CUZD1: variants seen among roughly 807,000 people sequenced by gnomAD.
CUZD1 encodes the protein CUB and zona pellucida-like domain-containing protein 1.
A neutral mutation model predicts 53.1 loss-of-function variants in CUZD1; 42 were observed. The ratio of observed to expected loss-of-function variants is 0.79; its 90% CI spans 0.62 to 1.02. CUZD1 has a LOEUF of 1.02. Ranked by LOEUF, CUZD1 falls within the 50% of genes least tolerant of loss-of-function variation. The probability of loss-of-function intolerance (pLI) is 0.00; values close to 1 mark genes in which losing one functional copy is unlikely to be tolerated. For synonymous variants in CUZD1, 238 were observed against 257.2 expected, an observed-to-expected ratio of 0.93 and a Z score of 0.71; for missense variants, 670 against 715.7, an observed-to-expected ratio of 0.94 and a Z score of 0.73.
At position 122,841,333 on chromosome 10, in the gene CUZD1, T is replaced by TA. The variant is rs2133817436; in HGVS notation, c.83-6dup. ...TGACTGTGCAGCTTGCATTGCCTGT[T>TA]AGAGATCACAGATGGCACTCAGGAA... On this transcript the variant is annotated splice_polypyrimidine_tract_variant and splice_region_variant and intron_variant, in intron 1 of 8. Coordinates refer to ENST00000392790, the MANE Select transcript of CUZD1 (RefSeq NM_022034.6). 6.3e-7 allele frequency: 1 copy of TA among 1,592,094 alleles called. No individual in the cohort carries two copies. The highest frequency in any genetic ancestry group is 1.1e-5 in the South Asian group (1 of 87,272).
chr10:122,839,106 G>A lies in CUZD1; in HGVS notation c.359C>T (p.Ser120Phe), dbSNP rs1847296332. The change falls in exon 3 of 9, where the codon TCC becomes TTC. Residue 120 changes from serine (S) to phenylalanine (F), a missense_variant. Coordinates refer to ENST00000392790, the MANE Select transcript of CUZD1 (RefSeq NM_022034.6). ...AACTATTTGAAACGTCAATGTACTG[G>A]ATGATGATTCAAATACAGGAACATA... ...NDYVPVFESS[S>F]STLTFQIVTD... 1 of 1,613,934 alleles carries A rather than the reference G, an allele frequency of 6.2e-7. No individual in the cohort carries two copies. The highest frequency in any genetic ancestry group is 1.7e-5 in the Admixed American group (1 of 60,010).
Position 122,832,192 on chromosome 10 carries a change from A to G in CUZD1, c.*86T>C, listed in dbSNP as rs1566227406. The G allele has an allele frequency of 1.4e-6, 2 of 1,388,116 alleles. No homozygotes were observed. The highest frequency in any genetic ancestry group is 2.3e-5 in the East Asian group (1 of 43,534). 86.0% of individuals were successfully genotyped at this position (1,388,116 alleles called of 1,614,324 possible). ...GTGTGTCACTTTCAGGCCCTTCCTC[A>G]TTTATTCATAATATGTGTAGCCACG... On this transcript the variant is annotated 3_prime_UTR_variant, in exon 9 of 9. Coordinates refer to ENST00000392790, the MANE Select transcript of CUZD1 (RefSeq NM_022034.6).
intron 8 of CUZD1, among the ~76,000 whole-genome samples, chr10:122,832,804 T>C (rs1847180271): frequency 6.6e-6 from 1 of 152,190 alleles, no homozygotes; most frequent in Admixed American, 6.5e-5. Flanking sequence ...AAAAAATTTG[T>C]TCATTCCCTT....
At position 122,834,970 on chromosome 10, in the gene CUZD1, A is replaced by G. The variant is rs143015582; in HGVS notation, c.1118T>C (p.Val373Ala). 75 of 1,613,810 alleles carry G rather than the reference A, an allele frequency of 4.6e-5. No homozygotes were observed. The African/African-American group carries it at 9.5e-4, about 20-fold the overall frequency. The change falls in exon 7 of 9, where the codon GTG becomes GCG. Residue 373 changes from valine (V) to alanine (A), a missense_variant. Val to Ala is a moderately conservative substitution (Grantham distance 64, BLOSUM62 0). Coordinates refer to ENST00000392790, the MANE Select transcript of CUZD1 (RefSeq NM_022034.6). ...ATCTTCTGTTATGTATATTATCTCCACTGTAGAATTATGTCCCATTTCACA... is the reference window on the plus strand; with the variant it reads ...ATCTTCTGTTATGTATATTATCTCCGCTGTAGAATTATGTCCCATTTCACA... ...VKCEMGHNST[V>A]EIIYITEDDV...
intron 1 of CUZD1, 119 bp downstream of exon 1, chr10:122,845,643 A>C: frequency 1.5e-6 from 1 of 673,612 alleles, no homozygotes; most frequent in East Asian, 2.8e-5. Flanking sequence ...AGAGCATTAG[A>C]GTACATTTTT....
intron 5 of CUZD1, among the ~76,000 whole-genome samples, 162 bp downstream of exon 5, chr10:122,836,669 T>C (rs143439757): frequency 7.2e-5 from 11 of 152,300 alleles, no homozygotes; most frequent in African/African-American, 2.6e-4. Context: ...CATTAAGCAA[T>C]GCACAGAAAT....
intron 7 of CUZD1, 152 bp downstream of exon 7, chr10:122,834,554 A>G (rs1847215888): frequency 2.0e-6 from 1 of 491,162 alleles, no homozygotes; most frequent in Non-Finnish European, 3.4e-6. Context: ...AGTACATAGT[A>G]ACTATTTTAT....
At chr10:122,841,057 G>T in intron 2 of CUZD1, 121 bp downstream of exon 2, 1 of 899,548 alleles carries the variant, frequency 1.1e-6, no homozygotes, top group Non-Finnish European at 1.7e-6. Flanking sequence ...CATCACGATG[G>T]TTGTCAGTGT....
chr10:122,844,693 AT>A (rs1418349743), intron 1 of CUZD1, among the ~76,000 whole-genome samples: 2 of 151,912 alleles, frequency 1.3e-5, no homozygotes, highest in Admixed American at 6.6e-5. Context: ...CATAGTGAAA[AT>A]TTTTTTCTAT....
At position 122,837,527 on chromosome 10, in the gene CUZD1, T is replaced by C. The variant is rs778025336; in HGVS notation, c.476A>G (p.Asp159Gly). The C allele has an allele frequency of 2.5e-6, 4 of 1,593,080 alleles. No individual in the cohort carries two copies. The African/African-American group carries it at 4.0e-5, about 16-fold the overall frequency. The change falls in exon 4 of 9, where the codon GAT becomes GGT. Residue 159 changes from aspartate to glycine, a missense_variant. Coordinates refer to ENST00000392790, the MANE Select transcript of CUZD1 (RefSeq NM_022034.6). ...ISIPNCGGYL[D>G]TLEGSFTSPN... ...GCTGGTGAAGGATCCTTCCAAGGTA[T>C]CCAGGTAACCGCCACAGTTTGGAAT...
chr10:122,836,177 C>G lies in CUZD1; in HGVS notation c.990+1G>C, dbSNP rs1372596487. 3 of 1,598,220 alleles carry G rather than the reference C, an allele frequency of 1.9e-6. No homozygotes were observed. The South Asian group carries it at 3.4e-5, about 18-fold the overall frequency. On this transcript the variant is annotated splice_donor_variant, in intron 6 of 8. Coordinates refer to ENST00000392790, the MANE Select transcript of CUZD1 (RefSeq NM_022034.6). LOFTEE classifies it high-confidence loss of function. Reference sequence around the variant, plus strand: ...ATCCAGCTATCAGTATTTCACTTTACCTTTCTGATTGTACCACATCCATTA... The same window carrying G: ...ATCCAGCTATCAGTATTTCACTTTAGCTTTCTGATTGTACCACATCCATTA...
In CUZD1 at chr10:122,839,007, G is replaced by A. The variant is rs572884821; in HGVS notation, c.448+10C>T. The A allele has an allele frequency of 7.1e-5, 113 of 1,598,192 alleles. 1 individual carries two copies. In the South Asian group the frequency reaches 1.2e-3, roughly 17 times the overall value. Reference sequence around the variant, plus strand: ...AGATGTGGGTGAAGGTTGTGTAAATGAGGACTTACAGATGTTAGGAGAGAA... The same window carrying A: ...AGATGTGGGTGAAGGTTGTGTAAATAAGGACTTACAGATGTTAGGAGAGAA... On this transcript the variant is annotated intron_variant, in intron 3 of 8. Transcript: ENST00000392790.
rs1316041179 is a variant in CUZD1 at position 122,837,027 on chromosome 10, G to C, written c.621C>G (p.Cys207Trp). 1 of 1,613,044 alleles carries C rather than the reference G, an allele frequency of 6.2e-7. No individual in the cohort carries two copies. Among genetic ancestry groups the C allele is most frequent in the Admixed American group, 1.7e-5 (1 of 59,968 alleles). Reference sequence around the variant, plus strand: ...CATAGATGGCAAGAAAATCAAATTTGCACTGTTTGTCTATTTCTAGGCTAG... The same window carrying C: ...CATAGATGGCAAGAAAATCAAATTTCCACTGTTTGTCTATTTCTAGGCTAG... ...KEIFLEIDKQCKFDFLAIYDG... is the reference protein window; with the variant it reads ...KEIFLEIDKQWKFDFLAIYDG... The change falls in exon 5 of 9, where the codon TGC (cysteine) becomes TGG (tryptophan). Residue 207 changes from cysteine (C) to tryptophan (W), a missense_variant. Coordinates refer to ENST00000392790, the MANE Select transcript of CUZD1 (RefSeq NM_022034.6).
chr10:122,837,371 T>C (rs1215476754), intron 4 of CUZD1, 33 bp downstream of exon 4: 1 of 1,612,874 alleles, frequency 6.2e-7, no homozygotes, highest in Non-Finnish European at 8.5e-7. Flanking sequence ...GTTTACTGCA[T>C]TTGTTCCAAC....
intron 7 of CUZD1, among the ~76,000 whole-genome samples, chr10:122,834,404 G>T (rs1379254046): frequency 1.3e-5 from 2 of 151,954 alleles, no homozygotes; most frequent in Non-Finnish European, 2.9e-5. Context: ...TAACCAAAAC[G>T]TACAAAAACC....
intron 2 of CUZD1, among the ~76,000 whole-genome samples, chr10:122,840,529 G>A (rs1847324231): frequency 6.6e-6 from 1 of 152,072 alleles, no homozygotes; most frequent in Non-Finnish European, 1.5e-5. Flanking sequence ...ATAGAATGGG[G>A]ATTAGACTGC....
rs923461404 is a variant in CUZD1 at position 122,835,107 on chromosome 10, G to T, written c.991-10C>A. 2 of 1,520,730 alleles carry T rather than the reference G, an allele frequency of 1.3e-6. No homozygotes were observed. Among genetic ancestry groups the T allele is most frequent in the Non-Finnish European group, 1.8e-6 (2 of 1,134,856 alleles). 94.2% of individuals were successfully genotyped at this position (1,520,730 alleles called of 1,614,324 possible). A position where few individuals can be genotyped will look rare whatever the true frequency, so the allele number is the denominator to read the frequency against. ...TTGACTGATCTTCTACCTGCAGAAC[G>T]AGATAGAATTCAATTTTTATATTTT... is the stretch of plus-strand genomic sequence containing the variant. On this transcript the variant is annotated splice_polypyrimidine_tract_variant and intron_variant, in intron 6 of 8. Coordinates refer to ENST00000392790, the MANE Select transcript of CUZD1 (RefSeq NM_022034.6).
Position 122,835,077 on chromosome 10 carries a change from A to G in CUZD1, c.1011T>C (p.Thr337=). 2 of 1,573,810 alleles carry G rather than the reference A, an allele frequency of 1.3e-6. No homozygotes were observed. Among genetic ancestry groups the G allele is most frequent in the Non-Finnish European group, 1.7e-6 (2 of 1,160,336 alleles). The change falls in exon 7 of 9, where the codon ACT becomes ACC. Residue 337 remains threonine, a synonymous_variant. Transcript: ENST00000392790. ...TIRKVEDQSI[T]YTNIITFSAS... ...CAGAAAAGGTGATTATATTGGTGTA[A>G]GTAATTGACTGATCTTCTACCTGCA... is the stretch of plus-strand genomic sequence containing the variant.
chr10:122,838,106 G>T (rs1315777055), intron 3 of CUZD1: 1 of 153,118 alleles, frequency 6.5e-6, no homozygotes, highest in Non-Finnish European at 1.5e-5. Context: ...AAGTACATAA[G>T]GAAGCAGCTG....
Sources: gnomAD v4.1 joint callset for allele counts (sites outside exome capture counted in the v4.1 genomes callset) on GRCh38, gnomAD v4.1.1 for gene constraint, MANE v1.5 for transcripts, NCBI Gene and HGNC (gene_info 2026-07-23, HGNC 2026-07-21) for gene names.